EPB41L4A: variants seen among roughly 807,000 people sequenced by gnomAD.
EPB41L4A encodes the protein erythrocyte membrane protein band 4.1 like 4A.
A neutral mutation model predicts 108.6 loss-of-function variants in EPB41L4A; 100 were observed. That is an observed-to-expected ratio of 0.92 (90% CI 0.78 to 1.09). The LOEUF (loss-of-function observed/expected upper bound fraction) is 1.09, where lower values mean the gene tolerates loss of function less well. Among genes scored for constraint, EPB41L4A ranks in the 50% least tolerant of loss-of-function variants. The pLI, the probability that EPB41L4A is intolerant of heterozygous loss-of-function variation, is 0.00. For missense variants in EPB41L4A, 1,030 were observed against 842.7 expected, an observed-to-expected ratio of 1.22 and a Z score of -2.75; for synonymous variants, 319 against 289.0, an observed-to-expected ratio of 1.10 and a Z score of -1.05.
chr5:112,175,239 G>A (rs1247815451), intron 18 of EPB41L4A: 3 of 152,174 alleles, frequency 2.0e-5, no homozygotes, highest in South Asian at 2.1e-4. Flanking sequence ...CATTGTTTAC[G>A]CTTTAATACC....
At chr5:112,270,235 C>A (rs1472150298) in intron 4 of EPB41L4A, among the ~76,000 whole-genome samples, 1 of 152,142 alleles carries the variant, frequency 6.6e-6, no homozygotes, top group East Asian at 1.9e-4. Flanking sequence ...TGACTTAAGA[C>A]CCTGCTGAGA....
chr5:112,307,543 A>G, intron 1 of EPB41L4A, 53 bp from the exon 2 acceptor site: 1 of 1,158,312 alleles, frequency 8.6e-7, no homozygotes, highest in Non-Finnish European at 1.3e-6. Flanking sequence ...GTTCCTAAGT[A>G]GTACACAGTC....
At chr5:112,210,162 T>G (rs1762667000) in intron 12 of EPB41L4A, 180 bp from the exon 13 acceptor site, 2 of 491,624 alleles carry the variant, frequency 4.1e-6, no homozygotes, top group Non-Finnish European at 7.1e-6. Context: ...TTTTCTAACG[T>G]GTACTAAACC....
chr5:112,309,596 CA>C, intron 1 of EPB41L4A, among the ~76,000 whole-genome samples: 1 of 152,198 alleles, frequency 6.6e-6, no homozygotes. Flanking sequence ...GCAAATTTAC[CA>C]AATGCCCTCC....
At chr5:112,325,242 C>A (rs821744) in intron 1 of EPB41L4A, among the ~76,000 whole-genome samples, 4,131 of 152,064 alleles carry the variant, frequency 0.027, 182 homozygotes, top group African/African-American at 0.094. Flanking sequence ...GAGATCAGGA[C>A]CATCCTGGCT....
chr5:112,383,614 ATAAAT>A (rs1488388508), intron 1 of EPB41L4A, among the ~76,000 whole-genome samples: 1 of 152,234 alleles, frequency 6.6e-6, no homozygotes, highest in African/African-American at 2.4e-5. Context: ...GGAACTACTA[ATAAAT>A]TAAAGAGCAA....
At chr5:112,173,815 T>G (rs1008581406) in intron 18 of EPB41L4A, 2 of 152,138 alleles carry the variant, frequency 1.3e-5, no homozygotes, top group African/African-American at 4.8e-5. Flanking sequence ...AGCTAATTTT[T>G]GTATTTTTAG....
intron 1 of EPB41L4A, among the ~76,000 whole-genome samples, chr5:112,388,925 T>G (rs950189183): frequency 1.1e-4 from 16 of 152,200 alleles, no homozygotes; most frequent in Non-Finnish European, 7.3e-5. Context: ...CCCCCTGCTA[T>G]GAGCTCCCAG....
intron 17 of EPB41L4A, among the ~76,000 whole-genome samples, chr5:112,188,058 A>C (rs974508953): frequency 1.3e-5 from 2 of 152,218 alleles, no homozygotes; most frequent in African/African-American, 4.8e-5. Flanking sequence ...GACACACTGA[A>C]AGAAACTTAC....
At chr5:112,156,811 T>G (rs529501699) in intron 12 of EPB41L4A, among the ~76,000 whole-genome samples, 1 of 152,196 alleles carries the variant, frequency 6.6e-6, no homozygotes, top group African/African-American at 2.4e-5. Context: ...GATGATGAAA[T>G]ATGGCTTTAG....
intron 15 of EPB41L4A, among the ~76,000 whole-genome samples, chr5:112,201,671 T>C (rs1762227539): frequency 6.6e-6 from 1 of 152,224 alleles, no homozygotes; most frequent in African/African-American, 2.4e-5. Flanking sequence ...CTATGTCGCC[T>C]CAACACACAA....
Position 112,410,293 on chromosome 5 carries a change from C to T in EPB41L4A, c.99+8648G>A, listed in dbSNP as rs568265523. ...TTGGGACTTGAAAATGACTGCCACT[C>T]GCAGCTAGGAATTTAACCCAAGCAC... On this transcript the variant is annotated intron_variant, in intron 1 of 22. Coordinates refer to ENST00000261486, the MANE Select transcript of EPB41L4A (RefSeq NM_022140.5). Among the ~76,000 whole-genome samples, 45 of 152,158 alleles carry T rather than the reference C, an allele frequency of 3.0e-4. 1 individual carries two copies. The South Asian group carries it at 6.8e-3, about 23-fold the overall frequency.
intron 15 of EPB41L4A, among the ~76,000 whole-genome samples, chr5:112,197,220 C>G (rs369182257): frequency 9.2e-5 from 14 of 152,268 alleles, no homozygotes; most frequent in African/African-American, 2.9e-4. Flanking sequence ...AGTCCACATC[C>G]CCCCTCATCT....
At chr5:112,378,519 C>A (rs1202438732) in intron 1 of EPB41L4A, among the ~76,000 whole-genome samples, 1 of 152,108 alleles carries the variant, frequency 6.6e-6, no homozygotes, top group Non-Finnish European at 1.5e-5. Context: ...GAGAAAGTTT[C>A]CCAGACATTG....
intron 1 of EPB41L4A, among the ~76,000 whole-genome samples, chr5:112,319,600 T>C (rs1414641846): frequency 6.6e-6 from 1 of 152,140 alleles, no homozygotes; most frequent in East Asian, 1.9e-4. Flanking sequence ...ATGAAATTAA[T>C]AATGAAGAAG....
chr5:112,160,472 T>G (rs548463845), downstream of EPB41L4A: 1 of 152,420 alleles, frequency 6.6e-6, no homozygotes, highest in East Asian at 1.9e-4. Flanking sequence ...AAGTGCTGAC[T>G]AAATATCTTT....
At chr5:112,352,142 C>G (rs1758082000) in intron 1 of EPB41L4A, among the ~76,000 whole-genome samples, 1 of 152,174 alleles carries the variant, frequency 6.6e-6, no homozygotes, top group Non-Finnish European at 1.5e-5. Flanking sequence ...TACTTCTGCT[C>G]TGATCTTTCT....
intron 2 of EPB41L4A, among the ~76,000 whole-genome samples, chr5:112,293,401 G>A (rs1753784114): frequency 1.5e-5 from 2 of 130,772 alleles, no homozygotes; most frequent in South Asian, 4.5e-4. Flanking sequence ...GGTGAAGAAG[G>A]CATTGGGTGC....
intron 2 of EPB41L4A, among the ~76,000 whole-genome samples, chr5:112,305,504 T>G (rs1296323374): frequency 2.0e-5 from 3 of 152,196 alleles, no homozygotes; most frequent in African/African-American, 7.2e-5. Context: ...AACCATACCC[T>G]GTACTATTTT....
Sources: allele counts gnomAD v4.1 joint callset (sites outside exome capture counted in the v4.1 genomes callset), GRCh38; gene constraint gnomAD v4.1.1; transcripts MANE v1.5; gene names NCBI Gene and HGNC (gene_info 2026-07-23, HGNC 2026-07-21).